HLF: variants seen among roughly 807,000 people sequenced by gnomAD.
The protein encoded by HLF is HLF transcription factor, PAR bZIP family member.
Under a neutral mutation model 22.6 loss-of-function variants are expected in HLF, and 3 were observed. That is an observed-to-expected ratio of 0.13 (90% CI 0.06 to 0.34). The LOEUF is 0.34. Ranked by LOEUF, HLF falls within the 10% of genes least tolerant of loss-of-function variation. The pLI, the probability that HLF is intolerant of heterozygous loss-of-function variation, is 1.00. For missense variants in HLF, 299 were observed against 389.2 expected, an observed-to-expected ratio of 0.77 and a Z score of 1.95; for synonymous variants, 151 against 151.8, an observed-to-expected ratio of 0.99 and a Z score of 0.04.
rs1490945826 is a variant in HLF, at chr17:55,325,015, TTATC to T, written c.*4138_*4141del. On this transcript the variant is annotated 3_prime_UTR_variant, in exon 4 of 4. Coordinates refer to ENST00000226067, the MANE Select transcript of HLF (RefSeq NM_002126.5). Reference sequence around the variant, plus strand: ...TATTTATGCTGTTAAGTCCAAACCTTTATCTGTCTGTTATTCTTAATGTTGAATA... The same window carrying T: ...TATTTATGCTGTTAAGTCCAAACCTTTGTCTGTTATTCTTAATGTTGAATA... 2 of 225,860 alleles carry T rather than the reference TTATC, an allele frequency of 8.9e-6. No individual in the cohort carries two copies. The highest frequency in any genetic ancestry group is 1.8e-5 in the Non-Finnish European group (2 of 113,188). The allele number at this position is 225,860 out of a possible 1,614,324, so 14.0% of individuals were successfully genotyped here. A position where few individuals can be genotyped will look rare whatever the true frequency, so the allele number is the denominator to read the frequency against.
intron 2 of HLF, among the ~76,000 whole-genome samples, chr17:55,281,478 G>T (rs1295927183): frequency 6.6e-6 from 1 of 152,168 alleles, no homozygotes. Context: ...GTGCCATTGC[G>T]CTCCAGCCTG....
At chr17:55,287,389 ATG>A (rs1279590634) in intron 2 of HLF, among the ~76,000 whole-genome samples, 1 of 87,712 alleles carries the variant, frequency 1.1e-5, no homozygotes, top group African/African-American at 5.0e-5. Flanking sequence ...TGCATTACTC[ATG>A]TGTAGATTAT....
At chr17:55,315,174 C>T in intron 2 of HLF, 53 bp from the exon 3 acceptor site, 1 of 1,363,616 alleles carries the variant, frequency 7.3e-7, no homozygotes, top group Non-Finnish European at 1.0e-6. Context: ...TAAGTAGCTG[C>T]CTACTGGGTC....
intron 2 of HLF, among the ~76,000 whole-genome samples, chr17:55,306,827 T>C (rs935960950): frequency 2.0e-5 from 3 of 152,096 alleles, no homozygotes; most frequent in African/African-American, 7.2e-5. Context: ...TATTTCTTCT[T>C]TGATTCATTC....
Position 55,321,019 on chromosome 17 carries a change from C to G in HLF, c.*140C>G. On this transcript the variant is annotated 3_prime_UTR_variant, in exon 4 of 4. Transcript: ENST00000226067. ...AACTGACTCCCATTTTGGTGTGCATCTGTGTGTGTGTGCGTGTATATGTGC... is the reference window on the plus strand; with the variant it reads ...AACTGACTCCCATTTTGGTGTGCATGTGTGTGTGTGTGCGTGTATATGTGC... The G allele has an allele frequency of 3.0e-6, 2 of 669,232 alleles. No individual in the cohort carries two copies. Among genetic ancestry groups the G allele is most frequent in the Non-Finnish European group, 2.6e-6 (1 of 379,492 alleles). The allele number at this position is 669,232 out of a possible 1,614,324, so 41.5% of individuals were successfully genotyped here.
intron 2 of HLF, among the ~76,000 whole-genome samples, chr17:55,308,826 G>A (rs1047904102): frequency 6.6e-6 from 1 of 152,194 alleles, no homozygotes; most frequent in Admixed American, 6.5e-5. Context: ...TCACTCATCT[G>A]TAATTGCTAT....
In HLF at chr17:55,320,779, A is replaced by ACTT; in HGVS notation, c.788_789insCTT (p.Glu263delinsAspLeu). 1 of 1,613,988 alleles carries ACTT rather than the reference A, an allele frequency of 6.2e-7. No individual in the cohort carries two copies. ...ATCCGGGCCTCGTTCCTGGAGAAGGAGAACTCGGCCCTCCGCCAGGAGGTG... is the reference window on the plus strand; with the variant it reads ...ATCCGGGCCTCGTTCCTGGAGAAGGACTTGAACTCGGCCCTCCGCCAGGAGGTG... On this transcript the variant is annotated protein_altering_variant, in exon 4 of 4. Transcript: ENST00000226067. The surrounding 1 kb of genome is among the most constrained non-coding windows in gnomAD (Gnocchi z 4.2).
rs1242639768 is a variant in HLF, at chr17:55,321,182, G to A, written c.*303G>A. 2.5e-5 allele frequency: 8 copies of A among 322,790 alleles called. No individual in the cohort carries two copies. The highest frequency in any genetic ancestry group is 9.8e-5 in the East Asian group (2 of 20,432). 20.0% of individuals were successfully genotyped at this position (322,790 alleles called of 1,614,324 possible). ...CTTTACTAGACTGAGGAGCCCTCTC[G>A]CGGGTCTCCCATCCCCTCCCTCCTT... On this transcript the variant is annotated 3_prime_UTR_variant, in exon 4 of 4. Transcript: ENST00000226067.
chr17:55,320,272 C>T lies in HLF; in HGVS notation c.673-392C>T, dbSNP rs1377765436. Among the ~76,000 whole-genome samples, 2 of 152,164 alleles carry T rather than the reference C, an allele frequency of 1.3e-5. No homozygotes were observed. The highest frequency in any genetic ancestry group is 2.9e-5 in the Non-Finnish European group (2 of 68,016). On this transcript the variant is annotated intron_variant, in intron 3 of 3. Transcript: ENST00000226067. The surrounding 1 kb of genome is among the most constrained non-coding windows in gnomAD (Gnocchi z 4.2). ...GCCTTCTAAAATTTTTGTACCAACTCATACCCAAAAAAGCATATGAGTGCC... is the reference window on the plus strand; with the variant it reads ...GCCTTCTAAAATTTTTGTACCAACTTATACCCAAAAAAGCATATGAGTGCC...
intron 2 of HLF, among the ~76,000 whole-genome samples, chr17:55,304,443 G>A (rs1230676516): frequency 6.6e-6 from 1 of 152,204 alleles, no homozygotes; most frequent in Non-Finnish European, 1.5e-5. Flanking sequence ...ACCGGCTGTG[G>A]TTATGAGTTC....
chr17:55,267,723 T>C, intron 1 of HLF, 28 bp from the exon 2 acceptor site: 2 of 1,460,170 alleles, frequency 1.4e-6, no homozygotes, highest in Non-Finnish European at 1.9e-6. Context: ...TTCTTTTTTT[T>C]TAAGTCCAGC....
chr17:55,267,006 T>C (rs2080798203), intron 1 of HLF, among the ~76,000 whole-genome samples: 1 of 152,244 alleles, frequency 6.6e-6, no homozygotes, highest in Non-Finnish European at 1.5e-5. Context: ...AAACACTTTG[T>C]ATTTTTTTAA....
At chr17:55,298,209 C>G (rs1254016865) in intron 2 of HLF, among the ~76,000 whole-genome samples, 1 of 152,158 alleles carries the variant, frequency 6.6e-6, no homozygotes, top group Non-Finnish European at 1.5e-5. Context: ...TGGGGAACTA[C>G]ACACTGATTG....
At chr17:55,294,056 G>A (rs1005130633) in intron 2 of HLF, among the ~76,000 whole-genome samples, 5 of 151,970 alleles carry the variant, frequency 3.3e-5, no homozygotes, top group East Asian at 1.9e-4. Context: ...TTCTGATAAC[G>A]GTCTTAAAAG....
chr17:55,268,602 A>G (rs1032846544), intron 2 of HLF, among the ~76,000 whole-genome samples: 1 of 151,878 alleles, frequency 6.6e-6, no homozygotes, highest in Non-Finnish European at 1.5e-5. Context: ...TTTTTTTTCC[A>G]TCCTTTTCAT....
intron 2 of HLF, among the ~76,000 whole-genome samples, chr17:55,285,934 C>A (rs1214296775): frequency 6.6e-6 from 1 of 152,222 alleles, no homozygotes. Context: ...GGTGATCCAG[C>A]TAAATGTGGC....
chr17:55,274,046 C>T (rs1211370115), intron 2 of HLF, among the ~76,000 whole-genome samples: 1 of 150,514 alleles, frequency 6.6e-6, no homozygotes, highest in Non-Finnish European at 1.5e-5. Context: ...CAGTTCAGCA[C>T]TGTGCCTACC....
chr17:55,323,962 C>G lies in HLF; in HGVS notation c.*3083C>G. The G allele has an allele frequency of 8.7e-6, 2 of 228,958 alleles. No homozygotes were observed. Among genetic ancestry groups the G allele is most frequent in the Non-Finnish European group, 1.7e-5 (2 of 115,434 alleles). 14.2% of individuals were successfully genotyped at this position (228,958 alleles called of 1,614,324 possible). Reference sequence around the variant, plus strand: ...TCCTGATGAGGTCACATTGTTGTTTCTTTTAACTAGACTTGGCAAAGAAAG... The same window carrying G: ...TCCTGATGAGGTCACATTGTTGTTTGTTTTAACTAGACTTGGCAAAGAAAG... On this transcript the variant is annotated 3_prime_UTR_variant, in exon 4 of 4. Coordinates refer to ENST00000226067, the MANE Select transcript of HLF (RefSeq NM_002126.5).
intron 1 of HLF, 192 bp downstream of exon 1, chr17:55,265,791 G>A: frequency 2.2e-6 from 3 of 1,340,356 alleles, no homozygotes; most frequent in Middle Eastern, 2.8e-4. Flanking sequence ...CATGAAAGGG[G>A]AGGGACCCCT....
Sources: allele counts gnomAD v4.1 joint callset (sites outside exome capture counted in the v4.1 genomes callset), GRCh38; gene constraint gnomAD v4.1.1; non-coding constraint Gnocchi (gnomAD v3.1); transcripts MANE v1.5; gene names NCBI Gene and HGNC (gene_info 2026-07-23, HGNC 2026-07-21).